The following KCNH2 variants were observed in gnomAD, a reference collection of about 807,000 sequenced individuals.
The protein encoded by KCNH2 is voltage-gated inwardly rectifying potassium channel KCNH2.
A neutral mutation model predicts 95.9 loss-of-function variants in KCNH2; 35 were observed. The observed-to-expected ratio is 0.37, with a 90% CI of 0.28 to 0.48. The LOEUF is 0.48. Among genes scored for constraint, KCNH2 ranks in the 20% least tolerant of loss-of-function variants. The probability of loss-of-function intolerance (pLI) is 0.99; values close to 1 mark genes in which losing one functional copy is unlikely to be tolerated. For synonymous variants in KCNH2, 786 were observed against 754.7 expected, an observed-to-expected ratio of 1.04 and a Z score of -0.68; for missense variants, 1,274 against 1,702.9, an observed-to-expected ratio of 0.75 and a Z score of 4.43.
At position 150,958,246 on chromosome 7, in the gene KCNH2, G is replaced by C. The variant is rs863224337; in HGVS notation, c.729C>G (p.Ser243Arg). 5 of 1,406,832 alleles carry C rather than the reference G, an allele frequency of 3.6e-6. No individual in the cohort carries two copies. The highest frequency in any genetic ancestry group is 4.6e-6 in the Non-Finnish European group (5 of 1,083,654). The allele number at this position is 1,406,832 out of a possible 1,614,324, so 87.1% of individuals were successfully genotyped here. ...ALVGPGSPPR[S>R]APGQLPSPRA... The stretch of plus-strand genomic sequence containing the variant: ...GGGGCGATGGGAGCTGGCCGGGCGC[G>C]CTGCGGGGCGGAGAGCCGGGACCCA... The change falls in exon 4 of 15, where the codon AGC becomes AGG. Residue 243 changes from serine to arginine, a missense_variant. By Grantham distance (110) the Ser-to-Arg change is moderately radical (BLOSUM62 -1). Around this residue, in one of 7 missense-constraint regions of KCNH2, gnomAD observed 392 missense variants for 429.9 expected, o/e 0.91. Transcript: ENST00000262186.
Position 150,959,710 on chromosome 7 carries a change from C to T in KCNH2, c.334G>A (p.Val112Met), listed in dbSNP as rs774663366. The T allele has an allele frequency of 6.2e-7, 1 of 1,614,216 alleles. No individual in the cohort carries two copies. The highest frequency in any genetic ancestry group is 1.7e-5 in the Admixed American group (1 of 60,036). ...CCATCCTCGTTCTTCACGGGCACCA[C>T]ATCCACCAGACATAGGAAGCAGCTC... The part of the protein sequence containing the change: ...DGSCFLCLVD[V>M]VPVKNEDGAV... The change falls in exon 3 of 15, where the codon GTG (valine) becomes ATG (methionine). Residue 112 changes from valine (V) to methionine (M), a missense_variant. By Grantham distance (21) the Val-to-Met change is conservative. Coordinates refer to ENST00000262186, the MANE Select transcript of KCNH2 (RefSeq NM_000238.4).
intron 8 of KCNH2, 33 bp downstream of exon 8, chr7:150,950,888 T>C (rs2116953765): frequency 6.2e-7 from 1 of 1,606,816 alleles, no homozygotes; most frequent in South Asian, 1.1e-5. Flanking sequence ...CTTCCCAGCC[T>C]GCCACCCACT....
intron 2 of KCNH2, among the ~76,000 whole-genome samples, chr7:150,967,184 C>T (rs1801727849): frequency 6.6e-6 from 1 of 152,128 alleles, no homozygotes; most frequent in Non-Finnish European, 1.5e-5. Context: ...GAGGCTGAGA[C>T]AGGAGAATCG....
rs977166444 is a variant in KCNH2, at chr7:150,960,454, C to T, written c.308-718G>A. 2.6e-5 allele frequency among the ~76,000 whole-genome samples: 4 copies of T among 152,334 alleles called. No individual in the cohort carries two copies. The East Asian group carries it at 5.8e-4, about 22-fold the overall frequency. On this transcript the variant is annotated intron_variant, in intron 2 of 14. Transcript: ENST00000262186. ...AATGCCTGGCGTATGCCGCACACTA[C>T]AGACGGTTAGCTGTTACTATCTGTC...
chr7:150,950,422 TG>T lies in KCNH2; in HGVS notation c.2146-3del, dbSNP rs781180989. ...GCACTCAGGGAAGCCCTTCAGCACC[TG>T]GGGGCAGGGTGGGGGCAGCTCAGCA... On this transcript the variant is annotated splice_region_variant and splice_polypyrimidine_tract_variant and intron_variant, in intron 8 of 14. Transcript: ENST00000262186. The T allele has an allele frequency of 1.2e-6, 2 of 1,611,010 alleles. No individual in the cohort carries two copies.
chr7:150,948,356 G>C (rs1230733668), intron 11 of KCNH2, 88 bp downstream of exon 11: 2 of 1,071,666 alleles, frequency 1.9e-6, no homozygotes, highest in African/African-American at 3.1e-5. Context: ...TCTGAGGCCT[G>C]GGTAAAGCAG....
At chr7:150,967,696 A>T (rs1425836148) in intron 2 of KCNH2, among the ~76,000 whole-genome samples, 2 of 152,260 alleles carry the variant, frequency 1.3e-5, no homozygotes, top group East Asian at 3.8e-4. Context: ...AACAGAAGAA[A>T]ATGGAGACCC....
At chr7:150,970,328 C>T (rs911935299) in intron 2 of KCNH2, among the ~76,000 whole-genome samples, 3 of 151,960 alleles carry the variant, frequency 2.0e-5, no homozygotes, top group Non-Finnish European at 4.4e-5. Context: ...CCCAAGGCCA[C>T]CATCAAACTC....
At chr7:150,975,025 AC>A (rs1352538918) in intron 1 of KCNH2, 84 bp from the exon 2 acceptor site, 26 of 1,236,574 alleles carry the variant, frequency 2.1e-5, no homozygotes, top group Non-Finnish European at 2.5e-5. Flanking sequence ...CTCCACTCAC[AC>A]AGCCGCCCGG....
In KCNH2 at chr7:150,952,965, C is replaced by G. The variant is rs903583203; in HGVS notation, c.1129-112G>C. The G allele has an allele frequency of 7.4e-6, 8 of 1,077,906 alleles. No individual in the cohort carries two copies. Among genetic ancestry groups the G allele is most frequent in the African/African-American group, 1.6e-5 (1 of 63,976 alleles). The allele number at this position is 1,077,906 out of a possible 1,614,324, so 66.8% of individuals were successfully genotyped here. A position where few individuals can be genotyped will look rare whatever the true frequency, so the allele number is the denominator to read the frequency against. ...AGAATGAGGAGGAGGCCAAAAAAAG[C>G]TTCCATCAGAATGCCCACCCCTCAG... is the stretch of plus-strand genomic sequence containing the variant. On this transcript the variant is annotated intron_variant, in intron 5 of 14. Coordinates refer to ENST00000262186, the MANE Select transcript of KCNH2 (RefSeq NM_000238.4). The surrounding 1 kb of genome is among the most constrained non-coding windows in gnomAD (Gnocchi z 7.3).
rs1201325917 is a variant in KCNH2, at chr7:150,953,902, C to T, written c.1129-1049G>A. On this transcript the variant is annotated intron_variant, in intron 5 of 14. Transcript: ENST00000262186. ...CCAGAAGCACTGACTCCCAGGCCCC[C>T]ACACCCTCAGGCTTTTGGGTTGGGG... Among the ~76,000 whole-genome samples the T allele has an allele frequency of 2.0e-5, 3 of 152,332 alleles. No individual in the cohort carries two copies. The East Asian group carries it at 5.8e-4, about 29-fold the overall frequency.
chr7:150,949,621 G>A (rs1264632416), intron 9 of KCNH2: 5 of 1,087,070 alleles, frequency 4.6e-6, no homozygotes, highest in Non-Finnish European at 3.4e-6. Flanking sequence ...ATGGTCGAAA[G>A]AGCTTGCTAT....
In KCNH2 at chr7:150,962,669, C is replaced by G. The variant is rs1801600174; in HGVS notation, c.308-2933G>C. ...AGAGAGAGAGGAGTGACTGCTGGCC[C>G]TCTTCCTTTGTCGAGATTCAAGAAA... On this transcript the variant is annotated intron_variant, in intron 2 of 14. Transcript: ENST00000262186. The surrounding 1 kb of genome is among the most constrained non-coding windows in gnomAD (Gnocchi z 5.7). Among the ~76,000 whole-genome samples the G allele has an allele frequency of 8.2e-6, 1 of 121,554 alleles. No individual in the cohort carries two copies. The allele number at this position is 121,554 out of a possible 152,430, so 79.7% of individuals were successfully genotyped here. A position where few individuals can be genotyped will look rare whatever the true frequency, so the allele number is the denominator to read the frequency against.
rs1407207848 is a variant in KCNH2 at position 150,952,286 on chromosome 7, C to T, written c.1557+139G>A. 8 of 997,982 alleles carry T rather than the reference C, an allele frequency of 8.0e-6. No individual in the cohort carries two copies. The highest frequency in any genetic ancestry group is 6.0e-4 in the Middle Eastern group (2 of 3,360). 61.8% of individuals were successfully genotyped at this position (997,982 alleles called of 1,614,324 possible). Reference sequence around the variant, plus strand: ...CTCTGCAGCTGCCTTGCCACCATGTCTCTCTCCCACTGTCTTTCTCTCTTT... The same window carrying T: ...CTCTGCAGCTGCCTTGCCACCATGTTTCTCTCCCACTGTCTTTCTCTCTTT... On this transcript the variant is annotated intron_variant, in intron 6 of 14. Transcript: ENST00000262186. This position sits in a 1 kb window ranked among gnomAD's most constrained non-coding sequence, Gnocchi z 7.3.
At chr7:150,955,650 G>A (rs1801345579) in intron 5 of KCNH2, 1 of 1,412,816 alleles carries the variant, frequency 7.1e-7, no homozygotes, top group Admixed American at 2.9e-5. Context: ...CATGAAGCCA[G>A]GGTGGTTGTG....
chr7:150,977,704 G>T, intron 1 of KCNH2, 134 bp downstream of exon 1: 1 of 497,626 alleles, frequency 2.0e-6, no homozygotes, highest in Non-Finnish European at 3.2e-6. Flanking sequence ...CCTCGCCAAA[G>T]CCTGGGGCCC....
chr7:150,962,625 GAC>G lies in KCNH2; in HGVS notation c.308-2891_308-2890del, dbSNP rs1309165478. Among the ~76,000 whole-genome samples the G allele has an allele frequency of 2.7e-3, 327 of 122,574 alleles. 2 individuals carry two copies. Among genetic ancestry groups the G allele is most frequent in the African/African-American group, 0.012 (317 of 26,742 alleles). The allele number at this position is 122,574 out of a possible 152,430, so 80.4% of individuals were successfully genotyped here. A position where few individuals can be genotyped will look rare whatever the true frequency, so the allele number is the denominator to read the frequency against. On this transcript the variant is annotated intron_variant, in intron 2 of 14. Coordinates refer to ENST00000262186, the MANE Select transcript of KCNH2 (RefSeq NM_000238.4). This position sits in a 1 kb window ranked among gnomAD's most constrained non-coding sequence, Gnocchi z 5.7. ...CTCACACTTACACACACACACGAGA[GAC>G]AGAGAGAGAGAGAGAGAGAGAGAGA...
intron 2 of KCNH2, 63 bp downstream of exon 2, chr7:150,974,648 C>A: frequency 1.6e-6 from 2 of 1,221,982 alleles, no homozygotes; most frequent in Non-Finnish European, 2.3e-6. Flanking sequence ...CCCTGCCCCT[C>A]GCCGTGGTCC....
At chr7:150,947,276 A>G in intron 13 of KCNH2, 52 bp downstream of exon 13, 1 of 1,430,078 alleles carries the variant, frequency 7.0e-7, no homozygotes, top group Non-Finnish European at 9.5e-7. Flanking sequence ...CACCGCCAGG[A>G]CCTGGACCAG....
Sources: allele counts gnomAD v4.1 joint callset (sites outside exome capture counted in the v4.1 genomes callset), GRCh38; gene constraint gnomAD v4.1.1; regional missense constraint gnomAD v4.1.1; non-coding constraint Gnocchi (gnomAD v3.1); transcripts MANE v1.5; gene names NCBI Gene and HGNC (gene_info 2026-07-23, HGNC 2026-07-21).